PHF19: variants seen among roughly 807,000 people sequenced by gnomAD.
PHF19 encodes polycomb like 3.
Under a neutral mutation model 79.8 loss-of-function variants are expected in PHF19, and 21 were observed. That is an observed-to-expected ratio of 0.26 (90% confidence interval 0.19 to 0.38). PHF19 has a LOEUF of 0.38. Ranked by LOEUF, PHF19 falls within the 10% of genes least tolerant of loss-of-function variation. The pLI is 1.00. For synonymous variants in PHF19, 273 were observed against 296.3 expected, an observed-to-expected ratio of 0.92 and a Z score of 0.81; for missense variants, 445 against 744.2, an observed-to-expected ratio of 0.60 and a Z score of 4.68.
chr9:120,874,785 T>G lies in PHF19; in HGVS notation c.-15-29A>C, dbSNP rs762654868. On this transcript the variant is annotated intron_variant, in intron 1 of 14. Coordinates refer to ENST00000373896, the MANE Select transcript of PHF19 (RefSeq NM_015651.3). This position sits in a 1 kb window ranked among gnomAD's most constrained non-coding sequence, Gnocchi z 4.5. The stretch of plus-strand genomic sequence containing the variant: ...GGAGAGAAAGAACAGGGTTTTTGCT[T>G]CTTGCTTCCCTGCTTCAGAAAGCCC... The G allele has an allele frequency of 6.7e-7, 1 of 1,487,704 alleles. No individual in the cohort carries two copies. The highest frequency in any genetic ancestry group is 1.2e-5 in the South Asian group (1 of 86,022). The allele number at this position is 1,487,704 out of a possible 1,614,324, so 92.2% of individuals were successfully genotyped here.
intron 1 of PHF19, chr9:120,894,720 A>ATATGG: frequency 1.3e-6 from 1 of 794,104 alleles, no homozygotes; most frequent in Non-Finnish European, 1.7e-6. Context: ...GCGCGGGCCC[A>ATATGG]CCCGGCCGCC....
the PHF19 span, among the ~76,000 whole-genome samples, chr9:120,902,211 AG>A: frequency 6.6e-6 from 1 of 152,096 alleles, no homozygotes; most frequent in Non-Finnish European, 1.5e-5. Flanking sequence ...CCTGATGCTC[AG>A]GCTTTATCAC....
Position 120,860,055 on chromosome 9 carries a change from G to A in PHF19, c.1400+35C>T. On this transcript the variant is annotated intron_variant, in intron 14 of 14. Coordinates refer to ENST00000373896, the MANE Select transcript of PHF19 (RefSeq NM_015651.3). The surrounding 1 kb of genome is among the most constrained non-coding windows in gnomAD (Gnocchi z 4.1). ...GGGGCTGAGAGGAATGATGGTCCTT[G>A]CAAAATGTGAAGGCCAGACCTCTAG... 1 of 1,104,582 alleles carries A rather than the reference G, an allele frequency of 9.1e-7. No homozygotes were observed. Among genetic ancestry groups the A allele is most frequent in the Non-Finnish European group, 1.4e-6 (1 of 736,246 alleles). 68.4% of individuals were successfully genotyped at this position (1,104,582 alleles called of 1,614,324 possible).
chr9:120,864,111 G>A lies in PHF19; in HGVS notation c.906C>T (p.Thr302=). 1 of 1,613,692 alleles carries A rather than the reference G, an allele frequency of 6.2e-7. No homozygotes were observed. Among genetic ancestry groups the A allele is most frequent in the South Asian group, 1.1e-5 (1 of 90,954 alleles). Residue 302 remains threonine, a synonymous_variant, in exon 10 of 15, where the codon ACC becomes ACT. Coordinates refer to ENST00000373896, the MANE Select transcript of PHF19 (RefSeq NM_015651.3). ...GTCCTCGATCTGTCACTGGGGTGCT[G>A]GTGAGCTGTGGGAGAGCAGGCCAGC... ...HWELLQLGKL[T]STPVTDRGPH...
In PHF19 at chr9:120,869,952, C is replaced by G; in HGVS notation, c.365-7G>C. ...TGGCACTGCTGGTGGTAACCTACGG[C>G]AGAGGAGGGGGCGGTGAGCGCCCAC... On this transcript the variant is annotated splice_polypyrimidine_tract_variant and splice_region_variant and intron_variant, in intron 4 of 14. Coordinates refer to ENST00000373896, the MANE Select transcript of PHF19 (RefSeq NM_015651.3). This position sits in a 1 kb window ranked among gnomAD's most constrained non-coding sequence, Gnocchi z 5.8. 6.4e-7 allele frequency: 1 copy of G among 1,567,058 alleles called. No individual in the cohort carries two copies.
At chr9:120,886,549 C>T (rs146240856) in intron 1 of PHF19, among the ~76,000 whole-genome samples, 2 of 152,228 alleles carry the variant, frequency 1.3e-5, no homozygotes, top group East Asian at 1.9e-4. Context: ...TTTATTCACT[C>T]ATCCTTCACG....
upstream of PHF19, among the ~76,000 whole-genome samples, chr9:120,899,847 T>A (rs2131609224): frequency 6.6e-6 from 1 of 152,278 alleles, no homozygotes; most frequent in Non-Finnish European, 1.5e-5. Flanking sequence ...CCAGGGTGAG[T>A]CCCAGCATGA....
chr9:120,898,098 G>GT (rs2046416550), upstream of PHF19, among the ~76,000 whole-genome samples: 2 of 152,112 alleles, frequency 1.3e-5, no homozygotes, highest in Non-Finnish European at 2.9e-5. Context: ...CACGTGTTGT[G>GT]TGAGTTTCAA....
chr9:120,885,006 G>C (rs2046243244), intron 1 of PHF19, among the ~76,000 whole-genome samples: 1 of 152,116 alleles, frequency 6.6e-6, no homozygotes, highest in South Asian at 2.1e-4. Flanking sequence ...AATCATTTGA[G>C]GCCAGGAGTT....
chr9:120,869,292 C>G lies in PHF19; in HGVS notation c.504G>C (p.Thr168=), dbSNP rs754954405. The change falls in exon 6 of 15, where the codon ACG becomes ACC. Residue 168 remains threonine, a synonymous_variant. Transcript: ENST00000373896. The surrounding 1 kb of genome is among the most constrained non-coding windows in gnomAD (Gnocchi z 5.8). ...ACAGCACCATCTTCACGGCCTGCAG[C>G]GTCCTGGCGATGGCGCCCTTCTTCA... is the stretch of plus-strand genomic sequence containing the variant. ...GALKKGAIAR[T]LQAVKMVLSY... is the part of the protein sequence containing the mutation. The G allele has an allele frequency of 1.9e-6, 3 of 1,612,950 alleles. No homozygotes were observed. Among genetic ancestry groups the G allele is most frequent in the South Asian group, 1.1e-5 (1 of 90,876 alleles).
intron 1 of PHF19, among the ~76,000 whole-genome samples, chr9:120,886,305 A>G: frequency 6.6e-6 from 1 of 152,366 alleles, no homozygotes; most frequent in East Asian, 1.9e-4. Flanking sequence ...ATGTGTGTGC[A>G]GGGAATCTGA....
In PHF19 at chr9:120,858,168, C is replaced by G. The variant is rs781086045; in HGVS notation, c.1519G>C (p.Ala507Pro). ...TCGTCTGGCCGCTCGGGGACTGAAG[C>G]CCCCTCTGCACTGCTGTCCGAGGGG... ...RCPSDSSAEG[A>P]SVPERPDEGI... The change falls in exon 15 of 15, where the codon GCT becomes CCT. Residue 507 changes from alanine to proline, a missense_variant. By Grantham distance (27) the Ala-to-Pro change is conservative. Around this residue, in one of 5 missense-constraint regions of PHF19, gnomAD observed 125 missense variants for 180.5 expected, o/e 0.69. Coordinates refer to ENST00000373896, the MANE Select transcript of PHF19 (RefSeq NM_015651.3). 4 of 1,612,658 alleles carry G rather than the reference C, an allele frequency of 2.5e-6. No individual in the cohort carries two copies. In the South Asian group the frequency reaches 4.4e-5, roughly 18 times the overall value.
chr9:120,876,701 C>T (rs2046070057), intron 1 of PHF19, among the ~76,000 whole-genome samples: 1 of 152,182 alleles, frequency 6.6e-6, no homozygotes, highest in Non-Finnish European at 1.5e-5. Flanking sequence ...CTTGCAGAAG[C>T]ACCCCCTTCG....
chr9:120,874,947 G>A lies in PHF19; in HGVS notation c.-15-191C>T, dbSNP rs2046005264. 6.6e-6 allele frequency among the ~76,000 whole-genome samples: 1 copy of A among 152,178 alleles called. No individual in the cohort carries two copies. ...TCACATCTTACAGATAGGGAAACAG[G>A]TGTGGCAAGGAGAAGAGGCTGATGG... On this transcript the variant is annotated intron_variant, in intron 1 of 14. Coordinates refer to ENST00000373896, the MANE Select transcript of PHF19 (RefSeq NM_015651.3). This position sits in a 1 kb window ranked among gnomAD's most constrained non-coding sequence, Gnocchi z 4.5.
At chr9:120,896,437 C>CTTTTTTT (rs58824573), upstream of PHF19, among the ~76,000 whole-genome samples, 1 of 124,040 alleles carries the variant, frequency 8.1e-6, no homozygotes, top group Non-Finnish European at 1.6e-5. Context: ...TTGTATGGTT[C>CTTTTTTT]TTTTTTTTTT....
chr9:120,892,584 G>A (rs1361539738), intron 1 of PHF19, among the ~76,000 whole-genome samples: 1 of 152,190 alleles, frequency 6.6e-6, no homozygotes, highest in Non-Finnish European at 1.5e-5. Context: ...TGCTAGAAAG[G>A]TCAGAGGGCA....
upstream of PHF19, chr9:120,877,368 T>C (rs1424667992): frequency 2.0e-6 from 2 of 979,500 alleles, no homozygotes; most frequent in Non-Finnish European, 1.2e-6. Context: ...CTTATGTAAT[T>C]AGCGGGGGCC....
chr9:120,902,506 G>A, the PHF19 span: 1 of 135,742 alleles, frequency 7.4e-6, no homozygotes, highest in Admixed American at 6.9e-5. Flanking sequence ...GGGCAGGGCG[G>A]GGGGTGGGGG....
At chr9:120,864,022 C>A in intron 10 of PHF19, 27 bp downstream of exon 10, 1 of 1,600,252 alleles carries the variant, frequency 6.2e-7, no homozygotes, top group Non-Finnish European at 8.5e-7. Context: ...AGGGCCCCAC[C>A]ACACTCCCTC....
Sources: allele counts gnomAD v4.1 joint callset (sites outside exome capture counted in the v4.1 genomes callset), GRCh38; gene constraint gnomAD v4.1.1; regional missense constraint gnomAD v4.1.1; non-coding constraint Gnocchi (gnomAD v3.1); transcripts MANE v1.5; gene names NCBI Gene and HGNC (gene_info 2026-07-23, HGNC 2026-07-21).